Variants in MYO1B observed in about 807,000 individuals in gnomAD.
MYO1B encodes the protein unconventional myosin-Ib.
Under a neutral mutation model 159.7 loss-of-function variants are expected in MYO1B, and 72 were observed. The ratio of observed to expected loss-of-function variants is 0.45; its 90% CI spans 0.37 to 0.55. The LOEUF is 0.55. MYO1B is among the 20% of genes least tolerant of loss of function. The pLI is 0.00. For missense variants in MYO1B, 1,062 were observed against 1,364.8 expected (o/e 0.78, Z 3.50); for synonymous variants, 468 against 473.8 (o/e 0.99, Z 0.16).
At position 191,296,214 on chromosome 2, in the gene MYO1B, T is replaced by C; in HGVS notation, c.239T>C (p.Leu80Pro). ...EEYRNRNFYELSPHIFALSDE... is the reference protein window; with the variant it reads ...EEYRNRNFYEPSPHIFALSDE... ...TACAGGAACAGAAATTTTTATGAAC[T>C]GAGCCCTCACATGTAAGTACTGTAC... Residue 80 changes from leucine to proline, a missense_variant, in exon 3 of 31, where the codon CTG (leucine) becomes CCG (proline). By Grantham distance (98) the Leu-to-Pro change is moderately conservative (BLOSUM62 -3). Around this residue, in one of 5 missense-constraint regions of MYO1B, gnomAD observed 415 missense variants for 544.0 expected, o/e 0.76. Transcript: ENST00000392318. 6.2e-7 allele frequency: 1 copy of C among 1,604,084 alleles called. No homozygotes were observed. The highest frequency in any genetic ancestry group is 8.5e-7 in the Non-Finnish European group (1 of 1,172,338).
chr2:191,408,090 T>A (rs774610542), intron 24 of MYO1B, 25 bp from the exon 25 acceptor site: 4 of 1,557,922 alleles, frequency 2.6e-6, no homozygotes, highest in Non-Finnish European at 2.7e-6. Flanking sequence ...CATTAACCAC[T>A]GTAACCTACA....
At chr2:191,285,003 T>C (rs950944170) in intron 2 of MYO1B, among the ~76,000 whole-genome samples, 1 of 152,204 alleles carries the variant, frequency 6.6e-6, no homozygotes, top group African/African-American at 2.4e-5. Flanking sequence ...TTTCCCTCTT[T>C]CTGTATTCCT....
intron 5 of MYO1B, among the ~76,000 whole-genome samples, chr2:191,343,093 C>T (rs1457623668): frequency 6.6e-6 from 1 of 152,062 alleles, no homozygotes; most frequent in Admixed American, 6.5e-5. Context: ...CCAGTTGCAC[C>T]CCTGCCCCTA....
intron 21 of MYO1B, among the ~76,000 whole-genome samples, chr2:191,399,082 A>C (rs1382679030): frequency 6.6e-6 from 1 of 152,166 alleles, no homozygotes; most frequent in African/African-American, 2.4e-5. Context: ...CGGCCAACAC[A>C]GCAAAACCCC....
chr2:191,317,264 G>A (rs188072743), intron 3 of MYO1B, among the ~76,000 whole-genome samples: 9 of 151,866 alleles, frequency 5.9e-5, no homozygotes, highest in African/African-American at 9.6e-5. Context: ...GAGGATAAAA[G>A]TGATACTTGT....
At chr2:191,378,740 A>G (rs561540011) in intron 13 of MYO1B, among the ~76,000 whole-genome samples, 1 of 152,212 alleles carries the variant, frequency 6.6e-6, no homozygotes, top group African/African-American at 2.4e-5. Flanking sequence ...GGGGGGTGGT[A>G]TGGAGAGAGA....
intron 3 of MYO1B, among the ~76,000 whole-genome samples, chr2:191,302,244 T>C (rs1689380426): frequency 6.6e-6 from 1 of 152,188 alleles, no homozygotes; most frequent in African/African-American, 2.4e-5. Context: ...GTTGATTAGG[T>C]TTTGGTGTCA....
intron 26 of MYO1B, among the ~76,000 whole-genome samples, chr2:191,410,529 C>T (rs1697191244): frequency 1.3e-5 from 2 of 152,178 alleles, no homozygotes; most frequent in Admixed American, 1.3e-4. Context: ...GGTTTTCAAA[C>T]TGTCATAGCA....
chr2:191,290,097 A>G (rs964139799), intron 2 of MYO1B, among the ~76,000 whole-genome samples: 3 of 152,206 alleles, frequency 2.0e-5, no homozygotes, highest in African/African-American at 7.2e-5. Flanking sequence ...GCTGTTGATT[A>G]TTACCCTACG....
chr2:191,370,709 A>G (rs1233220174), intron 13 of MYO1B, among the ~76,000 whole-genome samples: 2 of 152,250 alleles, frequency 1.3e-5, no homozygotes, highest in Non-Finnish European at 2.9e-5. Context: ...GGTGCCATAA[A>G]GAAAGCCACA....
chr2:191,324,314 C>A (rs979016643), intron 3 of MYO1B, among the ~76,000 whole-genome samples: 1 of 150,748 alleles, frequency 6.6e-6, no homozygotes. Flanking sequence ...TCTTTTTTTT[C>A]TTTGTTTTTT....
intron 3 of MYO1B, among the ~76,000 whole-genome samples, chr2:191,326,227 G>T (rs1310374009): frequency 1.3e-5 from 2 of 152,082 alleles, no homozygotes; most frequent in Non-Finnish European, 2.9e-5. Context: ...ATTTATTTAG[G>T]TTCCTTAATT....
At chr2:191,409,790 T>C (rs1377424535) in intron 26 of MYO1B, among the ~76,000 whole-genome samples, 1 of 152,206 alleles carries the variant, frequency 6.6e-6, no homozygotes, top group Non-Finnish European at 1.5e-5. Context: ...TTGCCCAGCA[T>C]GGAACACGTG....
chr2:191,366,796 A>T (rs921144551), intron 11 of MYO1B, among the ~76,000 whole-genome samples: 1 of 151,692 alleles, frequency 6.6e-6, no homozygotes, highest in African/African-American at 2.4e-5. Context: ...GCTCTACCTG[A>T]TTGTGCCCTA....
chr2:191,325,440 CA>C (rs1276063459), intron 3 of MYO1B, among the ~76,000 whole-genome samples: 1 of 152,080 alleles, frequency 6.6e-6, no homozygotes. Context: ...TTTCCTGAGA[CA>C]AATTTAGTTC....
chr2:191,355,556 G>A (rs181403456), intron 7 of MYO1B, among the ~76,000 whole-genome samples: 11 of 152,280 alleles, frequency 7.2e-5, no homozygotes, highest in Admixed American at 5.2e-4. Flanking sequence ...TAGTCCTCTG[G>A]CACTTTGGTA....
chr2:191,352,144 T>A (rs142407803), intron 7 of MYO1B, among the ~76,000 whole-genome samples: 48 of 152,336 alleles, frequency 3.2e-4, no homozygotes, highest in African/African-American at 9.6e-4. Context: ...TTATAACCCC[T>A]GCCAAACTTG....
chr2:191,392,129 T>A lies in MYO1B; in HGVS notation c.2004T>A (p.Phe668Leu), dbSNP rs1233740861. ...TTAGGTCTGGTGTGGAGGTCCTATTTAATGAATTAGAAATTCCCGTGGAAG... is the reference window on the plus strand; with the variant it reads ...TTAGGTCTGGTGTGGAGGTCCTATTAAATGAATTAGAAATTCCCGTGGAAG... ...GPARSGVEVLFNELEIPVEEY... is the reference protein window; with the variant it reads ...GPARSGVEVLLNELEIPVEEY... The change falls in exon 19 of 31, where the codon TTT (phenylalanine) becomes TTA (leucine). Residue 668 changes from phenylalanine (F) to leucine (L), a missense_variant. Phe to Leu is a conservative substitution (Grantham distance 22). Around this residue, in one of 5 missense-constraint regions of MYO1B, gnomAD observed 609 missense variants for 744.4 expected, o/e 0.82. Transcript: ENST00000392318. 1.9e-6 allele frequency: 3 copies of A among 1,609,558 alleles called. No individual in the cohort carries two copies. In the Admixed American group the frequency reaches 5.0e-5, roughly 27 times the overall value.
intron 2 of MYO1B, among the ~76,000 whole-genome samples, chr2:191,284,951 A>G (rs886936027): frequency 6.6e-6 from 1 of 152,092 alleles, no homozygotes; most frequent in African/African-American, 2.4e-5. Flanking sequence ...TGGTATTTTC[A>G]TTAGTTAGAT....
Sources: allele counts gnomAD v4.1 joint callset (sites outside exome capture counted in the v4.1 genomes callset), GRCh38; gene constraint gnomAD v4.1.1; regional missense constraint gnomAD v4.1.1; transcripts MANE v1.5; gene names NCBI Gene and HGNC (gene_info 2026-07-23, HGNC 2026-07-21).